The following CMYA5 variants were observed in gnomAD, a reference collection of about 807,000 sequenced individuals.
CMYA5 encodes cardiomyopathy associated 5.
In CMYA5, 246 loss-of-function variants were observed where a neutral mutation model predicts 318.9. The observed-to-expected ratio is 0.77, with a 90% CI of 0.70 to 0.86. The LOEUF is 0.86. Among genes scored for constraint, CMYA5 ranks in the 40% least tolerant of loss-of-function variants. The pLI, the probability that CMYA5 is intolerant of heterozygous loss-of-function variation, is 0.00. For synonymous variants in CMYA5, 1,641 were observed against 1,729.5 expected (o/e 0.95, Z 1.27); for missense variants, 4,589 against 4,678.2 (o/e 0.98, Z 0.56).
chr5:79,745,360 A>G lies in CMYA5; in HGVS notation c.10873A>G (p.Met3625Val), dbSNP rs767559000. 3 of 1,613,978 alleles carry G rather than the reference A, an allele frequency of 1.9e-6. No homozygotes were observed. Among genetic ancestry groups the G allele is most frequent in the Non-Finnish European group, 2.5e-6 (3 of 1,179,874 alleles). ...KKKMEFLHEQ[M>V]VHFLQSMDTA... ...GAAGATGGAGTTCCTGCATGAGCAGATGGTCCACTTTCTGCAGAGCATGGA... is the reference window on the plus strand; with the variant it reads ...GAAGATGGAGTTCCTGCATGAGCAGGTGGTCCACTTTCTGCAGAGCATGGA... Residue 3625 changes from methionine to valine, a missense_variant, in exon 4 of 13, where the codon ATG becomes GTG. This residue lies in a region of CMYA5 where 2,431 missense variants were observed against 2,495.1 expected (regional missense o/e 0.97). Transcript: ENST00000446378.
In CMYA5 at chr5:79,730,422, C is replaced by T. The variant is rs1580766191; in HGVS notation, c.1657C>T (p.Pro553Ser). 2.5e-6 allele frequency: 4 copies of T among 1,613,784 alleles called. No homozygotes were observed. The East Asian group carries it at 6.7e-5, about 27-fold the overall frequency. ...SEKPFPPHMS[P>S]EVEHKEEELI... ...GAAGCCCTTCCCACCACATATGTCC[C>T]CTGAAGTGGAGCACAAAGAAGAAGA... Residue 553 changes from proline to serine, a missense_variant, in exon 2 of 13, where the codon CCT (proline) becomes TCT (serine). Physicochemically the swap from Pro to Ser is moderately conservative, Grantham distance 74 (BLOSUM62 -1). Transcript: ENST00000446378.
chr5:79,703,776 T>G (rs1279480766), intron 1 of CMYA5, among the ~76,000 whole-genome samples: 1 of 152,162 alleles, frequency 6.6e-6, no homozygotes, highest in East Asian at 1.9e-4. Flanking sequence ...TTCTTGAAAA[T>G]TATTAATTTT....
chr5:79,765,584 T>C (rs1253840140), intron 9 of CMYA5, among the ~76,000 whole-genome samples: 1 of 152,244 alleles, frequency 6.6e-6, no homozygotes, highest in Non-Finnish European at 1.5e-5. Context: ...TTGGGCTGTA[T>C]GGCCATTTTC....
intron 8 of CMYA5, 122 bp downstream of exon 8, chr5:79,762,079 G>C: frequency 8.9e-7 from 1 of 1,125,958 alleles, no homozygotes; most frequent in Non-Finnish European, 1.2e-6. Flanking sequence ...GCAAAGTGCT[G>C]GTTATACAAC....
At position 79,737,304 on chromosome 5, in the gene CMYA5, A is replaced by G. The variant is rs1261857689; in HGVS notation, c.8539A>G (p.Thr2847Ala). The part of the protein sequence containing the change: ...PRSELTPERH[T>A]VHTIQTSKDD... ...ATCAGAATTGACTCCAGAAAGGCAT[A>G]CAGTTCATACTATTCAGACATCTAA... is the stretch of plus-strand genomic sequence containing the variant. Residue 2847 changes from threonine to alanine, a missense_variant, in exon 2 of 13, where the codon ACA becomes GCA. Physicochemically the swap from Thr to Ala is moderately conservative, Grantham distance 58. Around this residue, in one of 3 missense-constraint regions of CMYA5, gnomAD observed 2,431 missense variants for 2,495.1 expected, o/e 0.97. Transcript: ENST00000446378. 4 of 1,613,856 alleles carry G rather than the reference A, an allele frequency of 2.5e-6. No individual in the cohort carries two copies. The highest frequency in any genetic ancestry group is 1.1e-5 in the South Asian group (1 of 91,070).
intron 1 of CMYA5, among the ~76,000 whole-genome samples, chr5:79,711,712 A>G (rs1194942525): frequency 6.6e-6 from 1 of 152,236 alleles, no homozygotes; most frequent in Non-Finnish European, 1.5e-5. Context: ...GTACTTGAAG[A>G]AAACACAAAG....
chr5:79,734,043 G>A lies in CMYA5; in HGVS notation c.5278G>A (p.Asp1760Asn), dbSNP rs201140244. 24 of 1,613,682 alleles carry A rather than the reference G, an allele frequency of 1.5e-5. No individual in the cohort carries two copies. The highest frequency in any genetic ancestry group is 1.3e-4 in the South Asian group (12 of 91,064). The part of the protein sequence containing the change: ...GLSEEVSHPA[D>N]FKKGGNQEIG... ...ATCAGAGGAGGTTAGCCATCCAGCC[G>A]ACTTTAAAAAGGGAGGAAATCAAGA... Residue 1760 changes from aspartate to asparagine, a missense_variant, in exon 2 of 13, where the codon GAC becomes AAC. Around this residue, in one of 3 missense-constraint regions of CMYA5, gnomAD observed 2,132 missense variants for 2,131.3 expected, o/e 1.00. Coordinates refer to ENST00000446378, the MANE Select transcript of CMYA5 (RefSeq NM_153610.5).
At chr5:79,697,238 T>C (rs1254357540) in intron 1 of CMYA5, among the ~76,000 whole-genome samples, 1 of 152,182 alleles carries the variant, frequency 6.6e-6, no homozygotes, top group Non-Finnish European at 1.5e-5. Flanking sequence ...GAAGCCAAGG[T>C]AGGGGCCTGC....
At chr5:79,745,907 G>A (rs548038177) in intron 4 of CMYA5, among the ~76,000 whole-genome samples, 15 of 152,322 alleles carry the variant, frequency 9.8e-5, no homozygotes, top group Non-Finnish European at 2.1e-4. Flanking sequence ...TAACATTTGG[G>A]TGTGCAAAAG....
intron 1 of CMYA5, among the ~76,000 whole-genome samples, chr5:79,726,600 A>G (rs1286912926): frequency 6.6e-6 from 1 of 152,184 alleles, no homozygotes; most frequent in Non-Finnish European, 1.5e-5. Flanking sequence ...AAAATGATAT[A>G]ATTTATAGCA....
intron 1 of CMYA5, among the ~76,000 whole-genome samples, chr5:79,707,256 C>T (rs557499989): frequency 5.9e-5 from 9 of 152,242 alleles, no homozygotes; most frequent in East Asian, 3.9e-4. Flanking sequence ...ACAACTGGAA[C>T]GGCCCACTCA....
chr5:79,761,944 C>T lies in CMYA5; in HGVS notation c.11394C>T (p.Ala3798=). The T allele has an allele frequency of 1.2e-6, 2 of 1,613,056 alleles. No homozygotes were observed. The highest frequency in any genetic ancestry group is 2.7e-5 in the African/African-American group (2 of 74,976). The part of the protein sequence containing the change: ...FTGCSLPSER[A]IFRTAPSTPV... ...GATGTAGCCTGCCCAGTGAAAGGGC[C>T]ATCTTTAGGACAGGTAAGGAGATGG... is the stretch of plus-strand genomic sequence containing the variant. Residue 3798 remains alanine (A), a synonymous_variant, in exon 8 of 13, where the codon GCC becomes GCT. Transcript: ENST00000446378.
At chr5:79,704,961 T>C (rs573517378) in intron 1 of CMYA5, among the ~76,000 whole-genome samples, 5 of 152,332 alleles carry the variant, frequency 3.3e-5, no homozygotes, top group African/African-American at 1.2e-4. Context: ...CTTCTTAACA[T>C]TTCTAACAGC....
At position 79,718,091 on chromosome 5, in the gene CMYA5, T is replaced by G. The variant is rs1371040407; in HGVS notation, c.150-10824T>G. Among the ~76,000 whole-genome samples the G allele has an allele frequency of 2.6e-5, 3 of 115,864 alleles. 1 individual carries two copies. Among genetic ancestry groups the G allele is most frequent in the Non-Finnish European group, 5.2e-5 (3 of 58,030 alleles). 76.0% of individuals were successfully genotyped at this position (115,864 alleles called of 152,430 possible). ...TTTAGTAGAGACGGGGTTTCACCGT[T>G]TTAGCCGGGATGGTCTCGATCTCCT... On this transcript the variant is annotated intron_variant, in intron 1 of 12. Transcript: ENST00000446378.
chr5:79,738,654 G>A lies in CMYA5; in HGVS notation c.9889G>A (p.Glu3297Lys), dbSNP rs1828142373. Residue 3297 changes from glutamate to lysine, a missense_variant, in exon 2 of 13, where the codon GAA (glutamate) becomes AAA (lysine). This residue lies in a region of CMYA5 where 2,431 missense variants were observed against 2,495.1 expected (regional missense o/e 0.97). Coordinates refer to ENST00000446378, the MANE Select transcript of CMYA5 (RefSeq NM_153610.5). Reference sequence around the variant, plus strand: ...TATTTGCAGGGAGAAGAGTCTGGAAGAACAGAAAGGTGTTTATGGGGAAGG... The same window carrying A: ...TATTTGCAGGGAGAAGAGTCTGGAAAAACAGAAAGGTGTTTATGGGGAAGG... ...GTICREKSLE[E>K]QKGVYGEGES... 6.2e-7 allele frequency: 1 copy of A among 1,613,922 alleles called. No individual in the cohort carries two copies. The highest frequency in any genetic ancestry group is 1.1e-5 in the South Asian group (1 of 91,072).
At chr5:79,762,899 A>T in intron 8 of CMYA5, 163 bp from the exon 9 acceptor site, 1 of 698,876 alleles carries the variant, frequency 1.4e-6, no homozygotes, top group Non-Finnish European at 2.3e-6. Flanking sequence ...GAGAGACATC[A>T]CCATCTATAT....
At chr5:79,744,072 A>C (rs1828271563) in intron 3 of CMYA5, 150 bp downstream of exon 3, 4 of 515,468 alleles carry the variant, frequency 7.8e-6, no homozygotes, top group Non-Finnish European at 1.4e-5. Context: ...GAGAATGCTT[A>C]AAGTCTTCTC....
chr5:79,795,160 G>GCAA (rs1829254244), intron 12 of CMYA5, among the ~76,000 whole-genome samples: 1 of 152,124 alleles, frequency 6.6e-6, no homozygotes, highest in Non-Finnish European at 1.5e-5. Flanking sequence ...TTCAGGCTTG[G>GCAA]AGTGGGTGCC....
chr5:79,724,760 G>C (rs1371051533), intron 1 of CMYA5, among the ~76,000 whole-genome samples: 1 of 152,150 alleles, frequency 6.6e-6, no homozygotes, highest in Non-Finnish European at 1.5e-5. Flanking sequence ...TGTTTCTTTA[G>C]ACTGAGTGTA....
Sources: gnomAD v4.1 joint callset for allele counts (sites outside exome capture counted in the v4.1 genomes callset) on GRCh38, gnomAD v4.1.1 for gene constraint, gnomAD v4.1.1 regional missense constraint, MANE v1.5 for transcripts, NCBI Gene and HGNC (gene_info 2026-07-23, HGNC 2026-07-21) for gene names.